The following TRMT11 variants were observed in gnomAD, a reference collection of about 807,000 sequenced individuals.
TRMT11 encodes tRNA methyltransferase 11, also known as tRNA (guanine(10)-N(2))-methyltransferase TRMT11.
Under a neutral mutation model 62.8 loss-of-function variants are expected in TRMT11, and 53 were observed. The ratio of observed to expected loss-of-function variants is 0.84; its 90% CI spans 0.68 to 1.06. The LOEUF (loss-of-function observed/expected upper bound fraction) is 1.06, where lower values mean the gene tolerates loss of function less well. Among genes scored for constraint, TRMT11 ranks in the 50% least tolerant of loss-of-function variants. The pLI, the probability that TRMT11 is intolerant of heterozygous loss-of-function variation, is 0.00. For missense variants in TRMT11, 556 were observed against 553.4 expected (o/e 1.00, Z -0.05); for synonymous variants, 188 against 190.3 (o/e 0.99, Z 0.10).
At chr6:126,234,188 T>C in the TRMT11 span, among the ~76,000 whole-genome samples, 1 of 152,128 alleles carries the variant, frequency 6.6e-6, no homozygotes, top group African/African-American at 2.4e-5. Flanking sequence ...CCGATTTGCC[T>C]TGTTAGAGAC....
chr6:126,144,558 A>G (rs1777954126), intron 21 of TRMT11, among the ~76,000 whole-genome samples: 1 of 152,146 alleles, frequency 6.6e-6, no homozygotes. Context: ...CAAAATAAAT[A>G]GTAGTTTGCC....
chr6:126,084,109 G>A (rs1365673298), intron 17 of TRMT11, among the ~76,000 whole-genome samples: 1 of 152,140 alleles, frequency 6.6e-6, no homozygotes, highest in African/African-American at 2.4e-5. Flanking sequence ...TACATGCCTA[G>A]AAAATAGATT....
intron 12 of TRMT11, among the ~76,000 whole-genome samples, chr6:126,037,412 T>C (rs1775390211): frequency 6.6e-6 from 1 of 152,148 alleles, no homozygotes; most frequent in South Asian, 2.1e-4. Context: ...TCTTTAGTTG[T>C]ATACCTACAC....
intron 21 of TRMT11, among the ~76,000 whole-genome samples, chr6:126,126,902 A>G (rs1404902117): frequency 6.6e-6 from 1 of 152,142 alleles, no homozygotes; most frequent in Non-Finnish European, 1.5e-5. Context: ...CTTCCCACCC[A>G]TGAAAATACA....
chr6:126,117,306 T>C (rs1413383092), intron 21 of TRMT11, among the ~76,000 whole-genome samples: 1 of 152,080 alleles, frequency 6.6e-6, no homozygotes, highest in African/African-American at 2.4e-5. Context: ...AGAATCTGGA[T>C]ACTGAGCAAC....
At chr6:126,097,731 T>G (rs900523049) in intron 17 of TRMT11, among the ~76,000 whole-genome samples, 2 of 152,166 alleles carry the variant, frequency 1.3e-5, no homozygotes, top group Admixed American at 6.5e-5. Flanking sequence ...AAAGATTTAG[T>G]TGGCTAATGA....
intron 17 of TRMT11, among the ~76,000 whole-genome samples, chr6:126,109,333 CT>C (rs1777500322): frequency 6.6e-6 from 1 of 152,076 alleles, no homozygotes; most frequent in Non-Finnish European, 1.5e-5. Context: ...AACAGTTTCT[CT>C]TTGTGATTTT....
chr6:126,026,577 G>A (rs1341626211), intron 12 of TRMT11, among the ~76,000 whole-genome samples: 1 of 151,842 alleles, frequency 6.6e-6, no homozygotes, highest in African/African-American at 2.4e-5. Context: ...AGTAGAGACG[G>A]GGTTTCACCA....
chr6:126,244,382 G>A, the TRMT11 span, among the ~76,000 whole-genome samples: 5 of 152,114 alleles, frequency 3.3e-5, no homozygotes, highest in African/African-American at 1.2e-4. Context: ...AGGTCAATAA[G>A]TCTCTTCTCT....
At chr6:125,995,685 A>G (rs1478879764) in intron 2 of TRMT11, among the ~76,000 whole-genome samples, 1 of 152,248 alleles carries the variant, frequency 6.6e-6, no homozygotes, top group Non-Finnish European at 1.5e-5. Context: ...GGGATATAAT[A>G]TGCATTAATT....
At chr6:126,216,947 C>T in the TRMT11 span, among the ~76,000 whole-genome samples, 1 of 152,034 alleles carries the variant, frequency 6.6e-6, no homozygotes, top group South Asian at 2.1e-4. Context: ...TCTTTTGTCT[C>T]CTCTGACAGT....
At chr6:126,223,770 C>T in the TRMT11 span, among the ~76,000 whole-genome samples, 1 of 152,164 alleles carries the variant, frequency 6.6e-6, no homozygotes, top group South Asian at 2.1e-4. Flanking sequence ...GTTGCTTGCT[C>T]TGTCTTTCTA....
chr6:126,173,274 G>A (rs551074028), upstream of TRMT11, among the ~76,000 whole-genome samples: 2 of 152,316 alleles, frequency 1.3e-5, no homozygotes, highest in East Asian at 3.9e-4. Flanking sequence ...TCTTGGCAAA[G>A]CATCCTTGAG....
At chr6:126,270,751 A>G in the TRMT11 span, among the ~76,000 whole-genome samples, 1 of 152,228 alleles carries the variant, frequency 6.6e-6, no homozygotes, top group Admixed American at 6.5e-5. Context: ...AAATTATTTC[A>G]AAATAATAAG....
intron 8 of TRMT11, chr6:126,008,854 G>C (rs564724873): frequency 5.5e-6 from 2 of 361,902 alleles, no homozygotes; most frequent in African/African-American, 4.2e-5. Context: ...GTTGCTCAAG[G>C]GTCAACTGTA....
intron 12 of TRMT11, among the ~76,000 whole-genome samples, chr6:126,035,912 GC>G (rs1284309121): frequency 6.6e-6 from 1 of 152,074 alleles, no homozygotes; most frequent in Non-Finnish European, 1.5e-5. Context: ...CGTAGAGGAA[GC>G]CCATCTTCCA....
intron 8 of TRMT11, among the ~76,000 whole-genome samples, chr6:126,010,164 A>G (rs566597292): frequency 8.6e-5 from 13 of 151,786 alleles, no homozygotes; most frequent in Non-Finnish European, 1.8e-4. Flanking sequence ...TCTTCTGGCC[A>G]TTATTTTCCA....
At chr6:126,256,342 A>G in the TRMT11 span, among the ~76,000 whole-genome samples, 12 of 152,318 alleles carry the variant, frequency 7.9e-5, no homozygotes, top group African/African-American at 1.7e-4. Context: ...GTGAATACCA[A>G]TGGAGTCTGC....
At chr6:126,048,038 C>A (rs537608592) in intron 16 of TRMT11, among the ~76,000 whole-genome samples, 64 of 152,354 alleles carry the variant, frequency 4.2e-4, no homozygotes, top group Middle Eastern at 3.4e-3. Flanking sequence ...AAAGTGGCAG[C>A]TAATCCTTTG....
Sources: gnomAD v4.1 joint callset for allele counts (sites outside exome capture counted in the v4.1 genomes callset) on GRCh38, gnomAD v4.1.1 for gene constraint, MANE v1.5 for transcripts, NCBI Gene and HGNC (gene_info 2026-07-23, HGNC 2026-07-21) for gene names.